Variants in UGT2B11 observed in about 807,000 individuals in gnomAD.
UGT2B11 encodes the protein UDP glucuronosyltransferase family 2 member B11.
A neutral mutation model predicts 51.7 loss-of-function variants in UGT2B11; 49 were observed. The observed-to-expected ratio is 0.95, with a 90% confidence interval of 0.75 to 1.20. UGT2B11 has a LOEUF of 1.20. UGT2B11 is among the 50% of genes most tolerant of loss of function. UGT2B11 has a pLI of 0.00. For synonymous variants in UGT2B11, 273 were observed against 209.0 expected (o/e 1.31, Z -2.64); for missense variants, 810 against 622.1 (o/e 1.30, Z -3.21).
chr4:69,204,897 AT>A (rs1721791933), intron 4 of UGT2B11, among the ~76,000 whole-genome samples: 1 of 151,690 alleles, frequency 6.6e-6, no homozygotes, highest in East Asian at 1.9e-4. Context: ...TGCATTCTAG[AT>A]TTTTTAAATG....
At chr4:69,210,791 G>A (rs1209788931) in intron 2 of UGT2B11, among the ~76,000 whole-genome samples, 2 of 151,472 alleles carry the variant, frequency 1.3e-5, no homozygotes, top group Non-Finnish European at 3.0e-5. Context: ...TTTTAACAAT[G>A]GAATAAAATT....
chr4:69,203,550 A>T (rs1286732288), intron 5 of UGT2B11, among the ~76,000 whole-genome samples: 1 of 151,814 alleles, frequency 6.6e-6, no homozygotes. Flanking sequence ...GTATAGCAAT[A>T]TTCCTAGTAG....
At position 69,214,648 on chromosome 4, in the gene UGT2B11, T is replaced by C. The variant is rs575912660; in HGVS notation, c.75A>G (p.Lys25=). 331 of 1,613,050 alleles carry C rather than the reference T, an allele frequency of 2.1e-4. No individual in the cohort carries two copies. In the African/African-American group the frequency reaches 3.9e-3, roughly 19 times the overall value. ...TGTATTCTGCGGCCCACACCAGCAC[T>C]TTTCCACAACTCCCAGAGCTAAAGT... ...SCYFSSGSCG[K]VLVWAAEYSH... Residue 25 remains lysine, a synonymous_variant, in exon 1 of 6, where the codon AAA becomes AAG. Transcript: ENST00000446444.
At position 69,204,534 on chromosome 4, in the gene UGT2B11, G is replaced by GT; in HGVS notation, c.1205dup (p.Asn402LysfsTer13). The GT allele has an allele frequency of 6.2e-7, 1 of 1,612,336 alleles. No homozygotes were observed. Among genetic ancestry groups the GT allele is most frequent in the Non-Finnish European group, 8.5e-7 (1 of 1,178,908 alleles). On this transcript the variant is annotated frameshift_variant, in exon 5 of 6. Coordinates refer to ENST00000446444, the MANE Select transcript of UGT2B11 (RefSeq NM_001073.3). LOFTEE classifies it high-confidence loss of function. Reference sequence around the variant, plus strand: ...CTCCCTTGGCCTTCATGTGAGCAATGTTATCAGGTTGATCAAAAAACAATG... The same window carrying GT: ...CTCCCTTGGCCTTCATGTGAGCAATGTTTATCAGGTTGATCAAAAAACAATG...
intron 2 of UGT2B11, among the ~76,000 whole-genome samples, chr4:69,208,984 G>A: frequency 6.6e-6 from 1 of 151,534 alleles, no homozygotes. Flanking sequence ...ATTCACAGTT[G>A]GGATAATTTT....
the UGT2B11 span, among the ~76,000 whole-genome samples, chr4:69,223,574 T>A: frequency 6.6e-6 from 1 of 152,336 alleles, no homozygotes; most frequent in Non-Finnish European, 1.5e-5. Flanking sequence ...GGCCTGGGAC[T>A]GAGGCACCAC....
chr4:69,223,470 G>C, the UGT2B11 span, among the ~76,000 whole-genome samples: 1 of 152,142 alleles, frequency 6.6e-6, no homozygotes, highest in Non-Finnish European at 1.5e-5. Context: ...CGTTGTCCCT[G>C]CTGTGCACCC....
chr4:69,207,446 C>T (rs1269347354), intron 3 of UGT2B11, among the ~76,000 whole-genome samples: 2 of 151,620 alleles, frequency 1.3e-5, no homozygotes, highest in South Asian at 4.1e-4. Context: ...CTGGTTTACT[C>T]TATACAGAAG....
chr4:69,207,329 A>G (rs1218559338), intron 3 of UGT2B11, among the ~76,000 whole-genome samples: 1 of 151,712 alleles, frequency 6.6e-6, no homozygotes, highest in African/African-American at 2.4e-5. Context: ...TTTATTTGCT[A>G]CATCAGTGTT....
At chr4:69,216,641 T>C (rs1473101469), upstream of UGT2B11, 1 of 151,700 alleles carries the variant, frequency 6.6e-6, no homozygotes, top group Non-Finnish European at 1.5e-5. Flanking sequence ...GACAACTTGT[T>C]AAAATGCTAT....
chr4:69,211,910 T>C (rs1055342396), intron 2 of UGT2B11, among the ~76,000 whole-genome samples: 1 of 151,590 alleles, frequency 6.6e-6, no homozygotes, highest in Non-Finnish European at 1.5e-5. Context: ...GGCTCTAATT[T>C]ACCTCTTAGT....
Position 69,214,515 on chromosome 4 carries a change from A to T in UGT2B11, c.208T>A (p.Ser70Thr), listed in dbSNP as rs7697482. ...ASILFDPNDA[S>T]TLKFEVYPTS... Reference sequence around the variant, plus strand: ...GGATAAACTTCAAATTTAAGAGTGGATGCATCATTGGGATCAAAAAGAATG... The same window carrying T: ...GGATAAACTTCAAATTTAAGAGTGGTTGCATCATTGGGATCAAAAAGAATG... Residue 70 changes from serine (S) to threonine (T), a missense_variant, in exon 1 of 6, where the codon TCC becomes ACC. Physicochemically the swap from Ser to Thr is moderately conservative, Grantham distance 58. Transcript: ENST00000446444. 2 of 1,612,944 alleles carry T rather than the reference A, an allele frequency of 1.2e-6. No individual in the cohort carries two copies. Among genetic ancestry groups the T allele is most frequent in the Non-Finnish European group, 1.7e-6 (2 of 1,179,418 alleles).
At chr4:69,215,308 A>C (rs1722233902), upstream of UGT2B11, 1 of 152,214 alleles carries the variant, frequency 6.6e-6, no homozygotes, top group African/African-American at 2.4e-5. Context: ...TGCACTAGGC[A>C]ACCAGTAATC....
chr4:69,207,184 G>A (rs919492465), intron 3 of UGT2B11, among the ~76,000 whole-genome samples: 3 of 151,540 alleles, frequency 2.0e-5, no homozygotes, highest in Non-Finnish European at 4.4e-5. Flanking sequence ...TTAACACTTA[G>A]ATAACGTGCT....
chr4:69,200,347 A>G lies in UGT2B11; in HGVS notation c.*93T>C. On this transcript the variant is annotated 3_prime_UTR_variant, in exon 6 of 6. Transcript: ENST00000446444. ...TTTTTTTTTTTTTGTCACAGGAAGA[A>G]AGAAATCTTGCATAACAATCTTTTC... is the stretch of plus-strand genomic sequence containing the variant. 7.9e-7 allele frequency: 1 copy of G among 1,268,034 alleles called. No individual in the cohort carries two copies. Among genetic ancestry groups the G allele is most frequent in the African/African-American group, 1.5e-5 (1 of 64,984 alleles). 78.5% of individuals were successfully genotyped at this position (1,268,034 alleles called of 1,614,324 possible). A position where few individuals can be genotyped will look rare whatever the true frequency, so the allele number is the denominator to read the frequency against.
At chr4:69,213,433 C>G (rs1722148419) in intron 1 of UGT2B11, among the ~76,000 whole-genome samples, 1 of 151,694 alleles carries the variant, frequency 6.6e-6, no homozygotes, top group African/African-American at 2.4e-5. Context: ...TGCATGATTT[C>G]CAATTCTTTA....
chr4:69,218,500 G>A (rs930057554), upstream of UGT2B11, among the ~76,000 whole-genome samples: 1 of 149,796 alleles, frequency 6.7e-6, no homozygotes. Flanking sequence ...CCACAATAGA[G>A]GCAAATGTTT....
At chr4:69,204,723 G>C in intron 4 of UGT2B11, 74 bp from the exon 5 acceptor site, 2 of 1,604,604 alleles carry the variant, frequency 1.2e-6, no homozygotes, top group Non-Finnish European at 1.7e-6. Context: ...TTCTGAAAGT[G>C]ACAGTGTTTT....
rs910883289 is a variant in UGT2B11, at chr4:69,214,617, A to G, written c.106T>C (p.Trp36Arg). 6.2e-7 allele frequency: 1 copy of G among 1,613,154 alleles called. No homozygotes were observed. The highest frequency in any genetic ancestry group is 1.3e-5 in the African/African-American group (1 of 74,846). Reference sequence around the variant, plus strand: ...TTCAGGATTGTCTTCATATTCATCCAATGGCTGTATTCTGCGGCCCACACC... The same window carrying G: ...TTCAGGATTGTCTTCATATTCATCCGATGGCTGTATTCTGCGGCCCACACC... ...VLVWAAEYSH[W>R]MNMKTILKEL... Residue 36 changes from tryptophan to arginine, a missense_variant, in exon 1 of 6, where the codon TGG becomes CGG. Transcript: ENST00000446444.
Sources: allele counts gnomAD v4.1 joint callset (sites outside exome capture counted in the v4.1 genomes callset), GRCh38; gene constraint gnomAD v4.1.1; transcripts MANE v1.5; gene names NCBI Gene and HGNC (gene_info 2026-07-23, HGNC 2026-07-21).